Variants in ADGRV1 observed in about 807,000 individuals in gnomAD.
ADGRV1 encodes the protein adhesion G protein-coupled receptor V1, also known as G-protein coupled receptor 98.
A neutral mutation model predicts 596.2 loss-of-function variants in ADGRV1; 359 were observed. That is an observed-to-expected ratio of 0.60 (90% CI 0.55 to 0.66). ADGRV1 has a LOEUF of 0.66. Among genes scored for constraint, ADGRV1 ranks in the 30% least tolerant of loss-of-function variants. The pLI, the probability that ADGRV1 is intolerant of heterozygous loss-of-function variation, is 0.00. For missense variants in ADGRV1, 7,274 were observed against 7,575.6 expected (o/e 0.96, Z 1.48); for synonymous variants, 2,681 against 2,679.2 (o/e 1.00, Z -0.02).
intron 52 of ADGRV1, among the ~76,000 whole-genome samples, chr5:90,746,277 A>G (rs1054707250): frequency 6.6e-6 from 1 of 151,986 alleles, no homozygotes; most frequent in Non-Finnish European, 1.5e-5. Flanking sequence ...GGTTGTAATT[A>G]TATGTATGTT....
At chr5:90,633,021 C>A (rs115990268) in intron 9 of ADGRV1, among the ~76,000 whole-genome samples, 84 of 152,284 alleles carry the variant, frequency 5.5e-4, no homozygotes, top group African/African-American at 2.0e-3. Context: ...AAGCAGAATT[C>A]TTTAGTCGCT....
In ADGRV1 at chr5:90,800,997, C is replaced by T. The variant is rs146994514; in HGVS notation, c.14518-1742C>T. Among the ~76,000 whole-genome samples, 4,128 of 152,088 alleles carry T rather than the reference C, an allele frequency of 0.027. 275 individuals are homozygous for T. The East Asian group carries it at 0.28, about 10-fold the overall frequency. On this transcript the variant is annotated intron_variant, in intron 70 of 89. Transcript: ENST00000405460. ...TGACGGGTTGATGGGTGCAGCAAAC[C>T]ACCATGGCATATGTATACCTATGTA...
chr5:91,109,157 T>G (rs540993054), intron 87 of ADGRV1, among the ~76,000 whole-genome samples: 2 of 152,334 alleles, frequency 1.3e-5, no homozygotes, highest in East Asian at 3.9e-4. Flanking sequence ...ATACTCTTCT[T>G]TAAACGATAA....
intron 77 of ADGRV1, among the ~76,000 whole-genome samples, chr5:90,840,008 C>T (rs764302646): frequency 6.6e-6 from 1 of 152,166 alleles, no homozygotes; most frequent in East Asian, 1.9e-4. Context: ...TCATGCTTCA[C>T]GTTCCAAAAC....
chr5:91,069,295 G>A (rs930056050), intron 85 of ADGRV1, among the ~76,000 whole-genome samples: 2 of 151,834 alleles, frequency 1.3e-5, no homozygotes, highest in Non-Finnish European at 3.0e-5. Context: ...AACAAAAATT[G>A]ACAAGTATCA....
rs187506172 is a variant in ADGRV1 at position 91,122,067 on chromosome 5, A to C, written c.18432+19727A>C. ...ATCTAAAAATGTTTTGGTGGCTCTG[A>C]AACAAGAAAGACTAGATTGTAATCA... On this transcript the variant is annotated intron_variant, in intron 87 of 89. Transcript: ENST00000405460. Among the ~76,000 whole-genome samples, 4 of 152,324 alleles carry C rather than the reference A, an allele frequency of 2.6e-5. No homozygotes were observed. The East Asian group carries it at 7.7e-4, about 29-fold the overall frequency.
Position 90,860,174 on chromosome 5 carries a change from G to T in ADGRV1, c.17756-3583G>T, listed in dbSNP as rs1262346840. Among the ~76,000 whole-genome samples the T allele has an allele frequency of 3.9e-5, 6 of 152,188 alleles. No individual in the cohort carries two copies. In the South Asian group the frequency reaches 1.2e-3, roughly 32 times the overall value. On this transcript the variant is annotated intron_variant, in intron 82 of 89. Transcript: ENST00000405460. ...TGGCTATTATATTGAACAGCGTTAA[G>T]TTCAACCACCCTGTTTATCTGGAGG...
chr5:90,711,459 C>A, intron 41 of ADGRV1, 137 bp downstream of exon 41: 1 of 610,170 alleles, frequency 1.6e-6, no homozygotes, highest in East Asian at 3.1e-5. Flanking sequence ...TAAATTAGGA[C>A]AGAAGATTTC....
chr5:90,858,637 C>A (rs1767258837), intron 82 of ADGRV1, among the ~76,000 whole-genome samples: 1 of 152,124 alleles, frequency 6.6e-6, no homozygotes, highest in African/African-American at 2.4e-5. Flanking sequence ...TGTGAACCAC[C>A]ATGCCTGGCC....
Position 90,628,573 on chromosome 5 carries a change from TCA to T in ADGRV1, c.1253_1254del (p.Thr418SerfsTer3). 1 of 1,613,500 alleles carries T rather than the reference TCA, an allele frequency of 6.2e-7. No individual in the cohort carries two copies. The highest frequency in any genetic ancestry group is 8.5e-7 in the Non-Finnish European group (1 of 1,179,502). On this transcript the variant is annotated frameshift_variant, in exon 8 of 90. Transcript: ENST00000405460. LOFTEE classifies it high-confidence loss of function. ...TTAAAACATTTAAGATATGAAGAAATCACAGTGGTTAGAAATGGAGGAACCCA... is the reference window on the plus strand; with the variant it reads ...TTAAAACATTTAAGATATGAAGAAATCAGTGGTTAGAAATGGAGGAACCCA...
At chr5:90,614,176 AGT>A in intron 1 of ADGRV1, 1 of 370,848 alleles carries the variant, frequency 2.7e-6, no homozygotes, top group East Asian at 8.5e-5. Flanking sequence ...AAAAAAAGAA[AGT>A]TGTCATGGAA....
intron 50 of ADGRV1, among the ~76,000 whole-genome samples, chr5:90,743,989 G>GAT (rs10544139): frequency 0.075 from 11,396 of 151,446 alleles, 580 homozygotes; most frequent in Non-Finnish European, 0.11. Context: ...CCTATTAACT[G>GAT]ATATATATAT....
At chr5:90,975,859 A>T (rs1166385460) in intron 84 of ADGRV1, among the ~76,000 whole-genome samples, 10 of 151,824 alleles carry the variant, frequency 6.6e-5, no homozygotes, top group South Asian at 6.2e-4. Flanking sequence ...ATAATAATAA[A>T]AAAAAAATAA....
chr5:90,810,994 T>G lies in ADGRV1; in HGVS notation c.15734T>G (p.Ile5245Ser). Reference protein sequence around the residue: ...NGTFNTAEVLIRRTGGFTGNV... With the variant: ...NGTFNTAEVLSRRTGGFTGNV... Reference sequence around the variant, plus strand: ...ACATTCAACACTGCAGAAGTTCTTATCCGAAGAACTGGTGGGTTTACTGGC... The same window carrying G: ...ACATTCAACACTGCAGAAGTTCTTAGCCGAAGAACTGGTGGGTTTACTGGC... Residue 5245 changes from isoleucine (I) to serine (S), a missense_variant, in exon 74 of 90, where the codon ATC (isoleucine) becomes AGC (serine). Physicochemically the swap from Ile to Ser is moderately radical, Grantham distance 142. This residue lies in a region of ADGRV1 where 1,874 missense variants were observed against 1,970.2 expected (regional missense o/e 0.95). Transcript: ENST00000405460. 1 of 1,613,990 alleles carries G rather than the reference T, an allele frequency of 6.2e-7. No homozygotes were observed.
At chr5:91,148,428 C>T (rs547162327) in intron 87 of ADGRV1, among the ~76,000 whole-genome samples, 1 of 152,342 alleles carries the variant, frequency 6.6e-6, no homozygotes, top group South Asian at 2.1e-4. Context: ...CAGCTCAGGC[C>T]ATTGCACCAG....
At chr5:90,875,948 T>C (rs58884460) in intron 83 of ADGRV1, among the ~76,000 whole-genome samples, 24,644 of 152,130 alleles carry the variant, frequency 0.16, 2,936 homozygotes, top group East Asian at 0.33. Flanking sequence ...GCCATTAAAA[T>C]ATGGCTATAA....
chr5:91,028,743 T>TTG (rs1554200332), intron 85 of ADGRV1, among the ~76,000 whole-genome samples: 27 of 146,828 alleles, frequency 1.8e-4, no homozygotes, highest in African/African-American at 6.5e-4. Context: ...TTTTTTTTTT[T>TTG]TTTTTTTTTT....
chr5:90,966,033 A>G (rs1242836770), intron 84 of ADGRV1, among the ~76,000 whole-genome samples: 3 of 152,048 alleles, frequency 2.0e-5, no homozygotes, highest in Non-Finnish European at 4.4e-5. Context: ...TGTTTTGGAG[A>G]TTTTTTTAAG....
intron 85 of ADGRV1, among the ~76,000 whole-genome samples, chr5:91,006,810 GCTTCTGTATCTGTT>G (rs1782318088): frequency 6.6e-6 from 1 of 152,132 alleles, no homozygotes; most frequent in East Asian, 1.9e-4. Context: ...TCATAGATCA[GCTTCTGTATCTGTT>G]CTTCTGTATC....
Sources: allele counts gnomAD v4.1 joint callset (sites outside exome capture counted in the v4.1 genomes callset), GRCh38; gene constraint gnomAD v4.1.1; regional missense constraint gnomAD v4.1.1; transcripts MANE v1.5; gene names NCBI Gene and HGNC (gene_info 2026-07-23, HGNC 2026-07-21).